The following SLC6A11 variants were observed in gnomAD, a reference collection of about 807,000 sequenced individuals.
SLC6A11 encodes the protein solute carrier family 6 member 11.
Under a neutral mutation model 74.8 loss-of-function variants are expected in SLC6A11, and 25 were observed. That is an observed-to-expected ratio of 0.33 (90% CI 0.24 to 0.47). SLC6A11 has a LOEUF of 0.47. Ranked by LOEUF, SLC6A11 falls within the 20% of genes least tolerant of loss-of-function variation. The pLI is 1.00. For missense variants in SLC6A11, 574 were observed against 837.0 expected (o/e 0.69, Z 3.88); for synonymous variants, 330 against 330.2 (o/e 1.00, Z 0.01).
Position 10,844,286 on chromosome 3 carries a change from C to A in SLC6A11, c.696C>A (p.Leu232=). The stretch of plus-strand genomic sequence containing the variant: ...TTCGCTGGGAGCTGGCCTTGTGTCT[C>A]TTGGCAGCCTGGACCATCTGTTACT... ...GNLRWELALC[L]LAAWTICYFC... The change falls in exon 5 of 14, where the codon CTC becomes CTA. Residue 232 remains leucine (L), a synonymous_variant. Transcript: ENST00000254488. The A allele has an allele frequency of 6.2e-7, 1 of 1,614,220 alleles. No homozygotes were observed. Among genetic ancestry groups the A allele is most frequent in the Non-Finnish European group, 8.5e-7 (1 of 1,180,038 alleles).
At chr3:10,863,640 C>T (rs1485163600) in intron 5 of SLC6A11, among the ~76,000 whole-genome samples, 1 of 152,174 alleles carries the variant, frequency 6.6e-6, no homozygotes, top group African/African-American at 2.4e-5. Context: ...TTACTGAGTC[C>T]TAGAAGACAT....
At chr3:10,896,356 T>C (rs993933179) in intron 6 of SLC6A11, among the ~76,000 whole-genome samples, 1 of 152,274 alleles carries the variant, frequency 6.6e-6, no homozygotes, top group African/African-American at 2.4e-5. Flanking sequence ...TAGCATTTAC[T>C]GTGAGCCAGG....
At chr3:10,850,349 C>T (rs1014387912) in intron 5 of SLC6A11, among the ~76,000 whole-genome samples, 1 of 152,200 alleles carries the variant, frequency 6.6e-6, no homozygotes, top group African/African-American at 2.4e-5. Context: ...CTCATTTGCT[C>T]GCTCATTCAT....
intron 6 of SLC6A11, among the ~76,000 whole-genome samples, chr3:10,906,345 C>T (rs1369395559): frequency 6.6e-6 from 1 of 152,198 alleles, no homozygotes; most frequent in Non-Finnish European, 1.5e-5. Context: ...GCACCTTCAG[C>T]ACAATTAGGT....
At chr3:10,874,461 C>G (rs530130844) in intron 5 of SLC6A11, among the ~76,000 whole-genome samples, 8 of 152,230 alleles carry the variant, frequency 5.3e-5, no homozygotes, top group African/African-American at 1.2e-4. Context: ...TCCTTTACCC[C>G]CTCTGTGGCC....
chr3:10,931,199 G>A (rs2928074), intron 10 of SLC6A11, among the ~76,000 whole-genome samples: 42,114 of 152,040 alleles, frequency 0.28, 6,282 homozygotes, highest in East Asian at 0.58. Flanking sequence ...AGGTGTTGTC[G>A]CTGCTCCGTG....
intron 8 of SLC6A11, among the ~76,000 whole-genome samples, chr3:10,924,322 A>G (rs1178590860): frequency 6.6e-6 from 1 of 152,224 alleles, no homozygotes; most frequent in Non-Finnish European, 1.5e-5. Context: ...TAGAGAGTGC[A>G]ATAAGGCAAG....
chr3:10,841,669 A>G (rs1694439218), intron 4 of SLC6A11, among the ~76,000 whole-genome samples: 1 of 152,168 alleles, frequency 6.6e-6, no homozygotes, highest in Non-Finnish European at 1.5e-5. Flanking sequence ...CAGCATCCAC[A>G]TTGTAGAAGA....
rs571147958 is a variant in SLC6A11 at position 10,938,583 on chromosome 3, C to T, written c.*181C>T. ...TAAAGTCATATCCCCTCCCCGCCCC[C>T]AGTCATCATGGAAGTAACCACTACA... On this transcript the variant is annotated 3_prime_UTR_variant, in exon 14 of 14. Transcript: ENST00000254488. 2.7e-5 allele frequency: 14 copies of T among 520,350 alleles called. No homozygotes were observed. Among genetic ancestry groups the T allele is most frequent in the Non-Finnish European group, 4.0e-5 (12 of 300,252 alleles). The allele number at this position is 520,350 out of a possible 1,614,324, so 32.2% of individuals were successfully genotyped here.
At chr3:10,893,233 A>C (rs545511043) in intron 6 of SLC6A11, among the ~76,000 whole-genome samples, 1 of 152,218 alleles carries the variant, frequency 6.6e-6, no homozygotes, top group South Asian at 2.1e-4. Context: ...TGAATACCTC[A>C]GAGACAGAAT....
intron 7 of SLC6A11, among the ~76,000 whole-genome samples, chr3:10,917,385 C>T (rs553809599): frequency 3.2e-4 from 49 of 152,326 alleles, no homozygotes; most frequent in African/African-American, 1.2e-3. Context: ...CGGCCACCCG[C>T]AGGGATGCCA....
Position 10,926,017 on chromosome 3 carries a change from C to T in SLC6A11, c.1134C>T (p.Ala378=). 6.2e-7 allele frequency: 1 copy of T among 1,610,870 alleles called. No individual in the cohort carries two copies. Among genetic ancestry groups the T allele is most frequent in the Non-Finnish European group, 8.5e-7 (1 of 1,177,516 alleles). ...CCCTCGCTCCAGGCCCCGGCCTGGC[C>T]TTTATTGCGTACCCCAAGGCGGTCA... is the stretch of plus-strand genomic sequence containing the variant. ...AEVAESGPGL[A]FIAYPKAVTM... is the part of the protein sequence containing the mutation. Residue 378 remains alanine (A), a synonymous_variant, in exon 9 of 14, where the codon GCC becomes GCT. Transcript: ENST00000254488. This position sits in a 1 kb window ranked among gnomAD's most constrained non-coding sequence, Gnocchi z 5.7.
chr3:10,910,971 G>A (rs530434270), intron 6 of SLC6A11, among the ~76,000 whole-genome samples: 5 of 152,016 alleles, frequency 3.3e-5, no homozygotes, highest in South Asian at 2.1e-4. Context: ...ACAGGCCCCC[G>A]CCACCACACC....
In SLC6A11 at chr3:10,823,350, T is replaced by G; in HGVS notation, c.581T>G (p.Val194Gly). The change falls in exon 4 of 14, where the codon GTG becomes GGG. Residue 194 changes from valine (V) to glycine (G), a missense_variant. Val to Gly is a moderately radical substitution (Grantham distance 109). This residue lies in a region of SLC6A11 where 215 missense variants were observed against 357.9 expected (regional missense o/e 0.60). Coordinates refer to ENST00000254488, the MANE Select transcript of SLC6A11 (RefSeq NM_014229.3). ...CTGAATGTGAGCAACTACAGCCATG[T>G]GTCTCTGCAGAATGCCACCTCCCCT... ...QKLNVSNYSH[V>G]SLQNATSPVM... 6.2e-7 allele frequency: 1 copy of G among 1,614,008 alleles called. No individual in the cohort carries two copies. Among genetic ancestry groups the G allele is most frequent in the Admixed American group, 1.7e-5 (1 of 60,034 alleles).
At chr3:10,937,234 CG>C (rs1051954222) in intron 13 of SLC6A11, among the ~76,000 whole-genome samples, 5 of 152,236 alleles carry the variant, frequency 3.3e-5, no homozygotes, top group African/African-American at 7.2e-5. Flanking sequence ...AACTGAGGCA[CG>C]GGGGGTTAAG....
At chr3:10,818,737 T>G (rs1279609972) in intron 1 of SLC6A11, among the ~76,000 whole-genome samples, 1 of 152,248 alleles carries the variant, frequency 6.6e-6, no homozygotes, top group African/African-American at 2.4e-5. Context: ...ATCCCCATTC[T>G]GGGTGTAATA....
At chr3:10,885,597 TAA>T (rs35167441) in intron 6 of SLC6A11, among the ~76,000 whole-genome samples, 26,774 of 138,368 alleles carry the variant, frequency 0.19, 2,888 homozygotes, top group Admixed American at 0.34. Flanking sequence ...GCCCCCATGA[TAA>T]AAAAAAAAAA....
chr3:10,934,122 C>G lies in SLC6A11; in HGVS notation c.1531C>G (p.Leu511Val), dbSNP rs1387964824. The G allele has an allele frequency of 3.7e-6, 6 of 1,613,884 alleles. No individual in the cohort carries two copies. The African/African-American group carries it at 6.7e-5, about 18-fold the overall frequency. The change falls in exon 12 of 14, where the codon CTC becomes GTC. Residue 511 changes from leucine (L) to valine (V), a missense_variant. Leu to Val is a conservative substitution (Grantham distance 32). This residue lies in a region of SLC6A11 where 257 missense variants were observed against 341.5 expected (regional missense o/e 0.75). Transcript: ENST00000254488. Reference protein sequence around the residue: ...EDMIGYRPPSLIKWCWMIMTP... With the variant: ...EDMIGYRPPSVIKWCWMIMTP... ...CATGATTGGCTACCGGCCACCGTCGCTCATTAAGTGGTGCTGGATGATCAT... is the reference window on the plus strand; with the variant it reads ...CATGATTGGCTACCGGCCACCGTCGGTCATTAAGTGGTGCTGGATGATCAT...
At chr3:10,884,601 G>C (rs1419595869) in intron 6 of SLC6A11, among the ~76,000 whole-genome samples, 1 of 152,198 alleles carries the variant, frequency 6.6e-6, no homozygotes, top group African/African-American at 2.4e-5. Flanking sequence ...TACTGAAACT[G>C]TGTCGTGTCT....
Sources: allele counts gnomAD v4.1 joint callset (sites outside exome capture counted in the v4.1 genomes callset), GRCh38; gene constraint gnomAD v4.1.1; regional missense constraint gnomAD v4.1.1; non-coding constraint Gnocchi (gnomAD v3.1); transcripts MANE v1.5; gene names NCBI Gene and HGNC (gene_info 2026-07-23, HGNC 2026-07-21).